Variants in SVEP1 observed in about 807,000 individuals in gnomAD.
SVEP1 encodes the protein sushi, von Willebrand factor type A, EGF and pentraxin domain containing 1.
A neutral mutation model predicts 367.3 loss-of-function variants in SVEP1; 164 were observed. The observed-to-expected ratio is 0.45, with a 90% CI of 0.39 to 0.51. The LOEUF (loss-of-function observed/expected upper bound fraction) is 0.51, where lower values mean the gene tolerates loss of function less well. SVEP1 is among the 20% of genes least tolerant of loss of function. SVEP1 has a pLI of 0.00. For synonymous variants in SVEP1, 1,666 were observed against 1,611.6 expected (o/e 1.03, Z -0.81); for missense variants, 4,117 against 4,425.3 (o/e 0.93, Z 1.98).
intron 47 of SVEP1, among the ~76,000 whole-genome samples, chr9:110,368,173 G>A: frequency 6.6e-6 from 1 of 152,154 alleles, no homozygotes; most frequent in Non-Finnish European, 1.5e-5. Flanking sequence ...CCTGGAAGAG[G>A]TGGTGACATG....
At chr9:110,554,003 G>A (rs756847099) in intron 1 of SVEP1, among the ~76,000 whole-genome samples, 2 of 152,026 alleles carry the variant, frequency 1.3e-5, no homozygotes, top group Non-Finnish European at 2.9e-5. Context: ...TGTCTTTGCT[G>A]TGACATAGAG....
At chr9:110,578,871 C>T in intron 1 of SVEP1, 142 bp downstream of exon 1, 1 of 904,966 alleles carries the variant, frequency 1.1e-6, no homozygotes, top group Admixed American at 2.9e-5. Flanking sequence ...GTAGCGATGA[C>T]TCTGGTTTTG....
At chr9:110,546,055 A>G in intron 3 of SVEP1, 60 bp downstream of exon 3, 1 of 1,530,458 alleles carries the variant, frequency 6.5e-7, no homozygotes, top group Non-Finnish European at 8.8e-7. Context: ...TAGCCATTGC[A>G]TTTTAGAATC....
At chr9:110,530,525 A>T (rs971492235) in intron 3 of SVEP1, among the ~76,000 whole-genome samples, 5 of 151,920 alleles carry the variant, frequency 3.3e-5, no homozygotes, top group Non-Finnish European at 7.4e-5. Flanking sequence ...TTCATACATC[A>T]GTTTTTTGTT....
chr9:110,409,837 AAC>A (rs1458100061), intron 37 of SVEP1, among the ~76,000 whole-genome samples: 1 of 152,096 alleles, frequency 6.6e-6, no homozygotes, highest in African/African-American at 2.4e-5. Flanking sequence ...CATGTAATAT[AAC>A]AGGTCATAAA....
chr9:110,414,066 C>T (rs1321298859), intron 36 of SVEP1, among the ~76,000 whole-genome samples: 1 of 149,916 alleles, frequency 6.7e-6, no homozygotes, highest in Admixed American at 6.6e-5. Context: ...CATAACACTG[C>T]TCTCTGTCTC....
intron 7 of SVEP1, 97 bp from the exon 8 acceptor site, chr9:110,497,030 G>T: frequency 2.7e-6 from 2 of 735,470 alleles, no homozygotes; most frequent in Non-Finnish European, 4.3e-6. Flanking sequence ...AATACACTGT[G>T]ACACATTTGT....
chr9:110,440,675 G>T (rs1375420312), intron 27 of SVEP1, among the ~76,000 whole-genome samples: 2 of 152,190 alleles, frequency 1.3e-5, no homozygotes, highest in African/African-American at 4.8e-5. Flanking sequence ...AGGATTAAGA[G>T]TTAATCTCAT....
At chr9:110,366,854 G>T (rs2118929806) in intron 47 of SVEP1, among the ~76,000 whole-genome samples, 1 of 152,286 alleles carries the variant, frequency 6.6e-6, no homozygotes, top group Middle Eastern at 3.4e-3. Flanking sequence ...GGGGTTTGGA[G>T]CTAATGAACC....
At chr9:110,471,969 G>A (rs549618309) in intron 15 of SVEP1, among the ~76,000 whole-genome samples, 190 bp downstream of exon 15, 35 of 152,170 alleles carry the variant, frequency 2.3e-4, no homozygotes, top group African/African-American at 7.9e-4. Context: ...GCTTTTCGCC[G>A]TGAGACCTAC....
rs1564133467 is a variant in SVEP1 at position 110,407,023 on chromosome 9, G to A, written c.8577C>T (p.Cys2859=). 6.2e-7 allele frequency: 1 copy of A among 1,613,926 alleles called. No individual in the cohort carries two copies. Among genetic ancestry groups the A allele is most frequent in the South Asian group, 1.1e-5 (1 of 91,086 alleles). Residue 2859 remains cysteine, a synonymous_variant, in exon 38 of 48, where the codon TGC becomes TGT. Transcript: ENST00000374469. ...CTCCCTCAAGCAAGAACCCTTCATT[G>A]CAAGTGTATTCAATCTCTTTTTGGA... is the stretch of plus-strand genomic sequence containing the variant. ...YTFQKEIEYT[C]NEGFLLEGAR...
In SVEP1 at chr9:110,408,589, C is replaced by G. The variant is rs758073310; in HGVS notation, c.7011G>C (p.Glu2337Asp). 6.2e-7 allele frequency: 1 copy of G among 1,613,870 alleles called. No homozygotes were observed. The highest frequency in any genetic ancestry group is 8.5e-7 in the Non-Finnish European group (1 of 1,179,894). The change falls in exon 38 of 48, where the codon GAG becomes GAC. Residue 2337 changes from glutamate (E) to aspartate (D), a missense_variant. Glu to Asp is a conservative substitution (Grantham distance 45, BLOSUM62 2). Coordinates refer to ENST00000374469, the MANE Select transcript of SVEP1 (RefSeq NM_153366.4). ...TCACAACTCCTACCTCGGTGGTCAA[C>G]TCCTTTAATACTAGCTGGTTTTCCA... ...PLLENQLVLK[E>D]LTTEVGVVTF...
intron 3 of SVEP1, among the ~76,000 whole-genome samples, chr9:110,540,892 A>G (rs527414279): frequency 6.6e-5 from 10 of 152,254 alleles, no homozygotes; most frequent in Admixed American, 5.2e-4. Flanking sequence ...AAGGGAAGCC[A>G]CCGCCTTGGC....
chr9:110,382,927 T>C (rs1827460254), intron 43 of SVEP1, among the ~76,000 whole-genome samples: 1 of 152,234 alleles, frequency 6.6e-6, no homozygotes. Flanking sequence ...CATTCCTTTC[T>C]AAACTGGTTA....
chr9:110,404,278 A>T, intron 39 of SVEP1, 49 bp downstream of exon 39: 4 of 1,556,014 alleles, frequency 2.6e-6, no homozygotes, highest in Non-Finnish European at 3.5e-6. Flanking sequence ...TTGCTTGGCA[A>T]TATATGTATA....
At chr9:110,463,581 AAAGG>A (rs949573206) in intron 18 of SVEP1, among the ~76,000 whole-genome samples, 2 of 151,608 alleles carry the variant, frequency 1.3e-5, no homozygotes, top group Non-Finnish European at 3.0e-5. Context: ...AAATAAAGAA[AAAGG>A]AAGGAAAGAA....
At chr9:110,396,348 AGT>A (rs2118985487) in intron 40 of SVEP1, among the ~76,000 whole-genome samples, 2 of 152,186 alleles carry the variant, frequency 1.3e-5, no homozygotes, top group Admixed American at 1.3e-4. Context: ...CATTCAAAGC[AGT>A]GTGTAGAGGG....
chr9:110,451,262 A>G (rs768152870), intron 23 of SVEP1, 27 bp downstream of exon 23: 2 of 1,569,540 alleles, frequency 1.3e-6, no homozygotes, highest in African/African-American at 2.7e-5. Flanking sequence ...ATTTTAAGAC[A>G]ACATAGGAAG....
At chr9:110,550,621 A>T (rs759511555) in intron 1 of SVEP1, among the ~76,000 whole-genome samples, 2 of 152,176 alleles carry the variant, frequency 1.3e-5, no homozygotes, top group Non-Finnish European at 2.9e-5. Context: ...AGAGTCAATA[A>T]TGGCTGACCT....
Sources: gnomAD v4.1 joint callset for allele counts (sites outside exome capture counted in the v4.1 genomes callset) on GRCh38, gnomAD v4.1.1 for gene constraint, MANE v1.5 for transcripts, NCBI Gene and HGNC (gene_info 2026-07-23, HGNC 2026-07-21) for gene names.